Variants in TMEM192 observed in about 807,000 individuals in gnomAD.
The protein encoded by TMEM192 is transmembrane protein 192.
Under a neutral mutation model 26.7 loss-of-function variants are expected in TMEM192, and 20 were observed. The ratio of observed to expected loss-of-function variants is 0.75; its 90% CI spans 0.53 to 1.09. The LOEUF (loss-of-function observed/expected upper bound fraction) is 1.09. Among genes scored for constraint, TMEM192 ranks in the 50% least tolerant of loss-of-function variants. The pLI, the probability that TMEM192 is intolerant of heterozygous loss-of-function variation, is 0.00. For synonymous variants in TMEM192, 124 were observed against 121.0 expected, an observed-to-expected ratio of 1.02 and a Z score of -0.16; for missense variants, 304 against 322.6, an observed-to-expected ratio of 0.94 and a Z score of 0.44.
intron 4 of TMEM192, 145 bp downstream of exon 4, chr4:165,088,323 G>A: frequency 7.7e-6 from 5 of 651,678 alleles, no homozygotes; most frequent in Non-Finnish European, 1.2e-5. Context: ...GTACCTTCCT[G>A]TTGGTTTGAA....
intron 1 of TMEM192, among the ~76,000 whole-genome samples, chr4:165,104,056 G>A (rs1211024090): frequency 6.6e-6 from 1 of 152,210 alleles, no homozygotes; most frequent in Non-Finnish European, 1.5e-5. Context: ...CCAGGAGGTG[G>A]AGGTTGCAGT....
At chr4:165,094,057 G>A (rs1578906068) in intron 3 of TMEM192, among the ~76,000 whole-genome samples, 1 of 152,072 alleles carries the variant, frequency 6.6e-6, no homozygotes, top group East Asian at 1.9e-4. Context: ...CTGCCACCAT[G>A]CCTGGCTAAT....
In TMEM192 at chr4:165,100,624, A is replaced by G. The variant is rs764747661; in HGVS notation, c.439+4T>C. On this transcript the variant is annotated splice_donor_region_variant and intron_variant, in intron 3 of 5. Transcript: ENST00000306480. ...CCAAGTAGCTGAGAGAAAATTGGAC[A>G]TACCAGAGGACTGTATCATCAACGC... is the stretch of plus-strand genomic sequence containing the variant. 1 of 1,609,088 alleles carries G rather than the reference A, an allele frequency of 6.2e-7. No individual in the cohort carries two copies. Among genetic ancestry groups the G allele is most frequent in the Non-Finnish European group, 8.5e-7 (1 of 1,177,776 alleles).
intron 3 of TMEM192, among the ~76,000 whole-genome samples, chr4:165,094,494 C>G (rs1473338865): frequency 2.6e-5 from 4 of 151,968 alleles, no homozygotes; most frequent in Non-Finnish European, 5.9e-5. Context: ...CCCATCTCTA[C>G]TAAAAAAACA....
In TMEM192 at chr4:165,112,791, C is replaced by T; in HGVS notation, c.-18G>A. 6.2e-7 allele frequency: 1 copy of T among 1,605,796 alleles called. No individual in the cohort carries two copies. Among genetic ancestry groups the T allele is most frequent in the Non-Finnish European group, 8.5e-7 (1 of 1,178,780 alleles). ...GCCGCCATTTCCCGACGCCGGAGGC[C>T]GAAGCCCTGGCCAGCCCGGCCTCTC... On this transcript the variant is annotated 5_prime_UTR_variant, in exon 1 of 6. Coordinates refer to ENST00000306480, the MANE Select transcript of TMEM192 (RefSeq NM_001100389.2).
chr4:165,084,202 T>C (rs1298599362), intron 5 of TMEM192, among the ~76,000 whole-genome samples: 4 of 151,482 alleles, frequency 2.6e-5, no homozygotes, highest in Non-Finnish European at 5.9e-5. Context: ...GTAATACACT[T>C]TCTTTTTTTT....
chr4:165,102,285 T>C (rs1735054081), intron 2 of TMEM192, among the ~76,000 whole-genome samples: 1 of 152,206 alleles, frequency 6.6e-6, no homozygotes, highest in African/African-American at 2.4e-5. Context: ...GCATCTTTTT[T>C]GTAACTGAAA....
chr4:165,110,516 A>C (rs184863012), intron 1 of TMEM192, among the ~76,000 whole-genome samples: 1 of 152,192 alleles, frequency 6.6e-6, no homozygotes, highest in Non-Finnish European at 1.5e-5. Flanking sequence ...GACCAGCCTG[A>C]CCAAAATGGA....
intron 5 of TMEM192, among the ~76,000 whole-genome samples, chr4:165,081,682 T>C (rs147218555): frequency 0.19 from 6,941 of 35,982 alleles, 2,938 homozygotes; most frequent in East Asian, 0.31. Context: ...TGAGCCACCG[T>C]GTCCGGCAGA....
intron 3 of TMEM192, among the ~76,000 whole-genome samples, chr4:165,091,060 T>C (rs533536746): frequency 2.0e-5 from 3 of 151,520 alleles, no homozygotes; most frequent in East Asian, 1.9e-4. Context: ...GGCCAGGAGA[T>C]TGAGACCATC....
intron 3 of TMEM192, among the ~76,000 whole-genome samples, chr4:165,096,198 A>G (rs565028666): frequency 1.3e-3 from 197 of 151,634 alleles, no homozygotes; most frequent in Non-Finnish European, 2.3e-3. Flanking sequence ...ACCTGAGGTT[A>G]GGAGTTCGAG....
At chr4:165,080,097 T>C (rs966122974) in intron 5 of TMEM192, among the ~76,000 whole-genome samples, 4 of 151,980 alleles carry the variant, frequency 2.6e-5, no homozygotes, top group Non-Finnish European at 5.9e-5. Context: ...TGAGTATAAG[T>C]AATCAACTTA....
chr4:165,090,331 C>T (rs958131700), intron 3 of TMEM192, among the ~76,000 whole-genome samples: 3 of 149,852 alleles, frequency 2.0e-5, no homozygotes, highest in Non-Finnish European at 3.0e-5. Flanking sequence ...TGCAGTGAGC[C>T]GAGATCACAC....
chr4:165,107,531 G>A (rs4691152), intron 1 of TMEM192, among the ~76,000 whole-genome samples: 149,650 of 151,934 alleles, frequency 0.98, 73,717 homozygotes, highest in Middle Eastern at 1. Flanking sequence ...TTTAGTAAAG[G>A]TGAGATTTCA....
At chr4:165,100,588 C>A in intron 3 of TMEM192, 40 bp downstream of exon 3, 3 of 1,576,594 alleles carry the variant, frequency 1.9e-6, no homozygotes, top group Non-Finnish European at 2.6e-6. Context: ...TCATTTTTGT[C>A]CCTCAAGCAC....
At chr4:165,109,349 T>TA (rs1242077120) in intron 1 of TMEM192, among the ~76,000 whole-genome samples, 1 of 152,060 alleles carries the variant, frequency 6.6e-6, no homozygotes, top group African/African-American at 2.4e-5. Flanking sequence ...CCTGGGAAAT[T>TA]TTTATTTATT....
At chr4:165,085,745 T>G in intron 4 of TMEM192, 57 bp from the exon 5 acceptor site, 1 of 1,313,790 alleles carries the variant, frequency 7.6e-7, no homozygotes, top group Non-Finnish European at 1.1e-6. Context: ...TAGTTTCATT[T>G]TTTCAAATTA....
At position 165,096,077 on chromosome 4, in the gene TMEM192, G is replaced by A. The variant is rs1390293292; in HGVS notation, c.439+4551C>T. ...CTCCCAAAGTGCTGGTGTTACAGGC[G>A]TGAGCCACTGCACCTGGCCCAAATA... On this transcript the variant is annotated intron_variant, in intron 3 of 5. Coordinates refer to ENST00000306480, the MANE Select transcript of TMEM192 (RefSeq NM_001100389.2). Among the ~76,000 whole-genome samples, 7 of 151,726 alleles carry A rather than the reference G, an allele frequency of 4.6e-5. No homozygotes were observed. The South Asian group carries it at 8.3e-4, about 18-fold the overall frequency.
At chr4:165,109,542 T>A (rs1735246180) in intron 1 of TMEM192, among the ~76,000 whole-genome samples, 1 of 152,196 alleles carries the variant, frequency 6.6e-6, no homozygotes, top group Admixed American at 6.5e-5. Context: ...TTTTTATATT[T>A]TTAGTAGATA....
Sources: allele counts gnomAD v4.1 joint callset (sites outside exome capture counted in the v4.1 genomes callset), GRCh38; gene constraint gnomAD v4.1.1; transcripts MANE v1.5; gene names NCBI Gene and HGNC (gene_info 2026-07-23, HGNC 2026-07-21).